The following COL23A1 variants were observed in gnomAD, a reference collection of about 807,000 sequenced individuals.
COL23A1 encodes the protein collagen type XXIII alpha 1 chain, also known as collagen alpha-1(XXIII) chain.
COL23A1 carries 97 observed loss-of-function variants against 99.3 expected under a neutral mutation model. The observed-to-expected ratio is 0.98, with a 90% CI of 0.83 to 1.16. The LOEUF (loss-of-function observed/expected upper bound fraction) is 1.16. COL23A1 is among the 50% of genes most tolerant of loss of function. COL23A1 has a pLI of 0.00. For missense variants in COL23A1, 762 were observed against 757.4 expected (o/e 1.01, Z -0.07); for synonymous variants, 320 against 308.2 (o/e 1.04, Z -0.40).
intron 2 of COL23A1, among the ~76,000 whole-genome samples, chr5:178,319,658 C>G (rs547041357): frequency 1.3e-5 from 2 of 152,212 alleles, no homozygotes; most frequent in Non-Finnish European, 2.9e-5. Flanking sequence ...CGGGGTTCCT[C>G]GGAACCGTGG....
intron 2 of COL23A1, among the ~76,000 whole-genome samples, chr5:178,488,268 G>A (rs1034821448): frequency 3.9e-5 from 6 of 152,158 alleles, no homozygotes; most frequent in Admixed American, 1.3e-4. Context: ...CCCAAGAAAA[G>A]CCTGCTAGAG....
At chr5:178,402,597 A>C (rs1260216084) in intron 2 of COL23A1, among the ~76,000 whole-genome samples, 4 of 152,202 alleles carry the variant, frequency 2.6e-5, no homozygotes, top group African/African-American at 9.6e-5. Context: ...ATAACATTTA[A>C]GGCAACTGGC....
chr5:178,358,246 ATGTG>A (rs202134540), intron 2 of COL23A1, among the ~76,000 whole-genome samples: 11 of 128,454 alleles, frequency 8.6e-5, no homozygotes, highest in Non-Finnish European at 1.7e-4. Flanking sequence ...GTGTATGTGT[ATGTG>A]TGTGTATGTA....
intron 17 of COL23A1, among the ~76,000 whole-genome samples, chr5:178,252,140 C>T (rs539538800): frequency 4.0e-4 from 61 of 152,120 alleles, no homozygotes; most frequent in African/African-American, 1.3e-3. Context: ...GTCTCAAACT[C>T]CTGACCTCAG....
At chr5:178,380,971 G>C (rs941252477) in intron 2 of COL23A1, among the ~76,000 whole-genome samples, 2 of 152,220 alleles carry the variant, frequency 1.3e-5, no homozygotes, top group Non-Finnish European at 2.9e-5. Context: ...GGCACATCTA[G>C]CTAGGCCCAT....
intron 2 of COL23A1, chr5:178,344,719 T>C: frequency 2.9e-6 from 1 of 344,240 alleles, no homozygotes; most frequent in Non-Finnish European, 5.5e-6. Context: ...CTACAGTTGG[T>C]TGAAACCAGA....
intron 2 of COL23A1, among the ~76,000 whole-genome samples, chr5:178,541,086 C>T (rs2113331934): frequency 6.6e-6 from 1 of 152,248 alleles, no homozygotes; most frequent in African/African-American, 2.4e-5. Context: ...ATTCTATTAT[C>T]AATACTAACT....
At chr5:178,254,280 C>CTGT (rs1554126015) in intron 16 of COL23A1, among the ~76,000 whole-genome samples, 24 of 152,016 alleles carry the variant, frequency 1.6e-4, no homozygotes, top group Admixed American at 1.3e-3. Flanking sequence ...CCACGCCACA[C>CTGT]CACGCCACGC....
intron 2 of COL23A1, among the ~76,000 whole-genome samples, chr5:178,485,563 A>C (rs920945617): frequency 9.9e-5 from 15 of 152,066 alleles, no homozygotes; most frequent in Non-Finnish European, 1.8e-4. Context: ...ACCTGACGTC[A>C]GGAGTTCGAG....
intron 2 of COL23A1, among the ~76,000 whole-genome samples, chr5:178,528,030 T>C (rs937057495): frequency 2.6e-5 from 4 of 152,196 alleles, no homozygotes; most frequent in Non-Finnish European, 4.4e-5. Context: ...TAGAACACAT[T>C]TGGCATTTTG....
rs1334166370 is a variant in COL23A1, at chr5:178,384,967, C to A, written c.362-78048G>T. Among the ~76,000 whole-genome samples, 1 of 152,230 alleles carries A rather than the reference C, an allele frequency of 6.6e-6. No individual in the cohort carries two copies. Among genetic ancestry groups the A allele is most frequent in the Non-Finnish European group, 1.5e-5 (1 of 68,026 alleles). On this transcript the variant is annotated intron_variant, in intron 2 of 28. Transcript: ENST00000390654. This position sits in a 1 kb window ranked among gnomAD's most constrained non-coding sequence, Gnocchi z 5.5. ...AGCCTCCCTGCCTGCCCCATCCAAG[C>A]CACCACACTGGGCTGCCCAGCCCAC...
At chr5:178,322,380 C>T (rs990145495) in intron 2 of COL23A1, among the ~76,000 whole-genome samples, 2 of 152,220 alleles carry the variant, frequency 1.3e-5, no homozygotes, top group South Asian at 2.1e-4. Flanking sequence ...AGTGATCCAC[C>T]TGCCTTGGTC....
intron 3 of COL23A1, among the ~76,000 whole-genome samples, chr5:178,305,583 T>G (rs1338000114): frequency 6.6e-6 from 1 of 151,902 alleles, no homozygotes; most frequent in Non-Finnish European, 1.5e-5. Context: ...CCATTAGAGG[T>G]TTTTTTGGAG....
At chr5:178,572,722 C>T (rs150309508) in intron 1 of COL23A1, among the ~76,000 whole-genome samples, 7 of 152,284 alleles carry the variant, frequency 4.6e-5, no homozygotes, top group African/African-American at 1.4e-4. Flanking sequence ...GGGACTGGCA[C>T]GTGAATACCC....
chr5:178,523,161 T>TAA (rs1396046819), intron 2 of COL23A1, among the ~76,000 whole-genome samples: 1 of 90,874 alleles, frequency 1.1e-5, no homozygotes, highest in African/African-American at 3.8e-5. Flanking sequence ...TATATATATA[T>TAA]ACATATATAT....
chr5:178,294,605 A>C (rs1006275820), intron 3 of COL23A1, among the ~76,000 whole-genome samples: 1 of 152,240 alleles, frequency 6.6e-6, no homozygotes, highest in Non-Finnish European at 1.5e-5. Flanking sequence ...TATCACAAAA[A>C]AATGAAATTG....
chr5:178,517,582 G>C (rs1378708159), intron 2 of COL23A1, among the ~76,000 whole-genome samples: 1 of 52,930 alleles, frequency 1.9e-5, no homozygotes, highest in Admixed American at 2.8e-4. Context: ...TTTTTTTTGA[G>C]ATGGAGTCTC....
chr5:178,360,921 G>A (rs947412051), intron 2 of COL23A1, among the ~76,000 whole-genome samples: 1 of 151,574 alleles, frequency 6.6e-6, no homozygotes, highest in Non-Finnish European at 1.5e-5. Context: ...GGCTTTATCA[G>A]GCCAACACGA....
chr5:178,460,400 C>T (rs964823051), intron 2 of COL23A1, among the ~76,000 whole-genome samples: 1 of 152,054 alleles, frequency 6.6e-6, no homozygotes, highest in African/African-American at 2.4e-5. Flanking sequence ...CGAGACAGGG[C>T]AGTGCCAGGT....
Sources: gnomAD v4.1 joint callset for allele counts (sites outside exome capture counted in the v4.1 genomes callset) on GRCh38, gnomAD v4.1.1 for gene constraint, Gnocchi (gnomAD v3.1) non-coding constraint, MANE v1.5 for transcripts, NCBI Gene and HGNC (gene_info 2026-07-23, HGNC 2026-07-21) for gene names.